ESRRG: variants seen among roughly 807,000 people sequenced by gnomAD.
ESRRG encodes estrogen-related receptor gamma.
In ESRRG, 13 loss-of-function variants were observed where a neutral mutation model predicts 44.0. The observed-to-expected ratio is 0.30, with a 90% CI of 0.19 to 0.47. The LOEUF is 0.47. ESRRG is among the 20% of genes least tolerant of loss of function. The pLI is 1.00. For missense variants in ESRRG, 395 were observed against 580.6 expected, an observed-to-expected ratio of 0.68 and a Z score of 3.29; for synonymous variants, 215 against 214.6, an observed-to-expected ratio of 1.00 and a Z score of -0.02.
intron 1 of ESRRG, among the ~76,000 whole-genome samples, chr1:217,038,345 T>C (rs1225292412): frequency 6.6e-6 from 1 of 152,238 alleles, no homozygotes; most frequent in Non-Finnish European, 1.5e-5. Context: ...TTGACTTTTG[T>C]GCACCCACAG....
chr1:216,871,761 C>T (rs1016056542), intron 2 of ESRRG, among the ~76,000 whole-genome samples: 2 of 151,858 alleles, frequency 1.3e-5, no homozygotes, highest in Non-Finnish European at 2.9e-5. Context: ...GTCGTAGTTG[C>T]CATATATATT....
chr1:216,717,854 T>C (rs2085250002), intron 1 of ESRRG, among the ~76,000 whole-genome samples: 1 of 151,860 alleles, frequency 6.6e-6, no homozygotes, highest in Non-Finnish European at 1.5e-5. Context: ...TTGCATTTGT[T>C]TGAAAGCTAT....
In ESRRG at chr1:216,693,114, C is replaced by T. The variant is rs528618228; in HGVS notation, c.57-15623G>A. On this transcript the variant is annotated intron_variant, in intron 1 of 6. Transcript: ENST00000408911. ...TCCTTGCCCTTGGCAACACTTTCTG[C>T]GCAACTTCTATTCATCAGTAAAAGT... Among the ~76,000 whole-genome samples the T allele has an allele frequency of 1.8e-3, 278 of 152,316 alleles. 1 individual carries two copies. Among genetic ancestry groups the T allele is most frequent in the Non-Finnish European group, 3.2e-3 (218 of 68,036 alleles).
At chr1:216,981,419 G>T (rs911952823) in intron 1 of ESRRG, among the ~76,000 whole-genome samples, 1 of 152,012 alleles carries the variant, frequency 6.6e-6, no homozygotes, top group Non-Finnish European at 1.5e-5. Context: ...GCTACTTACG[G>T]CCTGTAAAAT....
At chr1:216,859,805 A>G (rs1216371857) in intron 2 of ESRRG, among the ~76,000 whole-genome samples, 4 of 152,252 alleles carry the variant, frequency 2.6e-5, no homozygotes, top group African/African-American at 7.2e-5. Flanking sequence ...AAGGATATTA[A>G]CAGAAATACA....
At chr1:216,558,446 C>A (rs572025210) in intron 5 of ESRRG, among the ~76,000 whole-genome samples, 2 of 152,180 alleles carry the variant, frequency 1.3e-5, no homozygotes, top group African/African-American at 4.8e-5. Context: ...AAGCTTTTCT[C>A]CCCTCTCTAT....
intron 2 of ESRRG, among the ~76,000 whole-genome samples, chr1:216,912,094 C>T (rs1165842581): frequency 7.5e-6 from 1 of 133,222 alleles, no homozygotes; most frequent in Non-Finnish European, 1.6e-5. Context: ...GCAAGACCCA[C>T]CCTGTAAAAA....
At chr1:216,883,949 T>A (rs923122393) in intron 2 of ESRRG, among the ~76,000 whole-genome samples, 8 of 152,334 alleles carry the variant, frequency 5.3e-5, no homozygotes, top group East Asian at 1.9e-4. Flanking sequence ...TTATGTAATT[T>A]AAAAAAATTA....
chr1:216,541,835 C>T, intron 5 of ESRRG, among the ~76,000 whole-genome samples: 1 of 151,798 alleles, frequency 6.6e-6, no homozygotes, highest in Non-Finnish European at 1.5e-5. Context: ...AGTCCATTTA[C>T]CTTTATCCTG....
chr1:217,125,695 C>G (rs2092880612), intron 1 of ESRRG, among the ~76,000 whole-genome samples: 1 of 152,152 alleles, frequency 6.6e-6, no homozygotes, highest in African/African-American at 2.4e-5. Flanking sequence ...TAAGAACAAC[C>G]TCACTGAACT....
chr1:216,802,866 TAA>T (rs752642827), intron 2 of ESRRG, among the ~76,000 whole-genome samples: 2 of 152,236 alleles, frequency 1.3e-5, no homozygotes, highest in Non-Finnish European at 2.9e-5. Flanking sequence ...AAACCAAAGT[TAA>T]GAGAGGAAAA....
intron 2 of ESRRG, among the ~76,000 whole-genome samples, chr1:216,859,985 C>T (rs1455370519): frequency 1.3e-5 from 2 of 152,058 alleles, no homozygotes; most frequent in African/African-American, 4.8e-5. Context: ...AGACAAAGGC[C>T]AGGTGCAGTG....
intron 2 of ESRRG, among the ~76,000 whole-genome samples, chr1:216,843,509 T>A (rs2095687392): frequency 6.6e-6 from 1 of 152,098 alleles, no homozygotes; most frequent in Non-Finnish European, 1.5e-5. Flanking sequence ...ACATTAAGGG[T>A]CAAAATCTCT....
At chr1:217,077,754 C>A (rs905503707) in intron 1 of ESRRG, among the ~76,000 whole-genome samples, 4 of 152,174 alleles carry the variant, frequency 2.6e-5, no homozygotes, top group Non-Finnish European at 5.9e-5. Context: ...CAAATTCATT[C>A]TTTTGTCCAT....
At chr1:216,535,742 A>C (rs569473673) in intron 5 of ESRRG, among the ~76,000 whole-genome samples, 1 of 151,874 alleles carries the variant, frequency 6.6e-6, no homozygotes, top group Admixed American at 6.6e-5. Context: ...TCATCCCTCT[A>C]TTCTGATAAA....
intron 3 of ESRRG, among the ~76,000 whole-genome samples, chr1:216,575,305 T>G (rs2149719821): frequency 6.6e-6 from 1 of 152,274 alleles, no homozygotes; most frequent in East Asian, 1.9e-4. Flanking sequence ...CTAACTATAT[T>G]GCCTGTTCTC....
intron 1 of ESRRG, among the ~76,000 whole-genome samples, chr1:217,020,757 A>C (rs925458918): frequency 3.3e-5 from 5 of 152,192 alleles, no homozygotes; most frequent in Middle Eastern, 3.2e-3. Context: ...TACACACTGC[A>C]TGCTGGTGAC....
chr1:216,578,127 A>G (rs1217101539), intron 3 of ESRRG, among the ~76,000 whole-genome samples: 1 of 152,128 alleles, frequency 6.6e-6, no homozygotes, highest in Non-Finnish European at 1.5e-5. Flanking sequence ...AATATGGTAT[A>G]TGTTCCCAGG....
chr1:216,575,837 C>A (rs2061592269), intron 3 of ESRRG, among the ~76,000 whole-genome samples: 1 of 151,822 alleles, frequency 6.6e-6, no homozygotes, highest in African/African-American at 2.4e-5. Flanking sequence ...TGATATGGGG[C>A]ACATATAAAA....
Sources: gnomAD v4.1 joint callset for allele counts (sites outside exome capture counted in the v4.1 genomes callset) on GRCh38, gnomAD v4.1.1 for gene constraint, MANE v1.5 for transcripts, NCBI Gene and HGNC (gene_info 2026-07-23, HGNC 2026-07-21) for gene names.